CIMIP4: variants seen among roughly 807,000 people sequenced by gnomAD.
CIMIP4 encodes ciliary microtubule inner protein 4, also known as protein EAN57.
chr22:37,003,819 C>A, the CIMIP4 span: 2 of 652,572 alleles, frequency 3.1e-6, no homozygotes, highest in South Asian at 5.9e-5. Flanking sequence ...CAACAGAATG[C>A]CCCCCTAGGA....
At chr22:37,000,285 A>G in the CIMIP4 span, among the ~76,000 whole-genome samples, 1 of 151,982 alleles carries the variant, frequency 6.6e-6, no homozygotes, top group Non-Finnish European at 1.5e-5. Flanking sequence ...ATAGGGTGCC[A>G]CTCTTCCCAC....
chr22:37,003,652 C>T, the CIMIP4 span, among the ~76,000 whole-genome samples: 1 of 152,204 alleles, frequency 6.6e-6, no homozygotes, highest in Non-Finnish European at 1.5e-5. Flanking sequence ...AGGCCCCTCA[C>T]CATGTTCCCC....
the CIMIP4 span, chr22:36,999,754 T>C: frequency 6.6e-7 from 1 of 1,516,708 alleles, no homozygotes; most frequent in Non-Finnish European, 8.9e-7. Flanking sequence ...AGACCCCATA[T>C]GGAGTGGAAA....
At chr22:37,003,605 C>T in the CIMIP4 span, among the ~76,000 whole-genome samples, 3 of 152,192 alleles carry the variant, frequency 2.0e-5, no homozygotes, top group Non-Finnish European at 4.4e-5. Flanking sequence ...TCTTGGCTCA[C>T]GTGTAACCCC....
the CIMIP4 span, among the ~76,000 whole-genome samples, chr22:37,006,319 G>T: frequency 5.9e-5 from 9 of 152,190 alleles, no homozygotes; most frequent in Admixed American, 5.9e-4. Flanking sequence ...GAGCCATGGA[G>T]AATTATCCCC....
the CIMIP4 span, among the ~76,000 whole-genome samples, chr22:37,004,231 G>A: frequency 6.6e-6 from 1 of 152,074 alleles, no homozygotes. Context: ...CACAGGGGCT[G>A]CCTCCTGGAC....
chr22:36,991,162 C>T, the CIMIP4 span: 2 of 1,610,810 alleles, frequency 1.2e-6, no homozygotes, highest in Non-Finnish European at 1.7e-6. Flanking sequence ...GTAGAAGACA[C>T]CTCTACTGTG....
At chr22:37,004,844 C>A in the CIMIP4 span, among the ~76,000 whole-genome samples, 1 of 152,046 alleles carries the variant, frequency 6.6e-6, no homozygotes, top group South Asian at 2.1e-4. Flanking sequence ...TGCACCACCA[C>A]ATCTGGCTAA....
chr22:36,992,145 G>A, the CIMIP4 span, among the ~76,000 whole-genome samples: 27 of 152,086 alleles, frequency 1.8e-4, no homozygotes, highest in East Asian at 9.7e-4. Flanking sequence ...TCAGGGGTTC[G>A]AGACCAGCCT....
At chr22:36,995,666 G>T in the CIMIP4 span, among the ~76,000 whole-genome samples, 1 of 152,140 alleles carries the variant, frequency 6.6e-6, no homozygotes, top group South Asian at 2.1e-4. Flanking sequence ...TGTTTCCATG[G>T]TAGTGAATAA....
At chr22:37,001,673 T>C in the CIMIP4 span, among the ~76,000 whole-genome samples, 155 of 152,266 alleles carry the variant, frequency 1.0e-3, 1 homozygote, top group African/African-American at 3.5e-3. Flanking sequence ...AACAACTTGT[T>C]ATATGTGAAG....
the CIMIP4 span, among the ~76,000 whole-genome samples, chr22:37,003,349 G>C: frequency 6.6e-6 from 1 of 152,102 alleles, no homozygotes; most frequent in Non-Finnish European, 1.5e-5. Context: ...CCAACTCACT[G>C]GACTCTCTTC....
the CIMIP4 span, among the ~76,000 whole-genome samples, chr22:36,998,556 A>AC: frequency 1.3e-5 from 2 of 152,210 alleles, no homozygotes; most frequent in African/African-American, 4.8e-5. Context: ...AGACCCTGGG[A>AC]ACAGGATCAT....
At chr22:36,994,697 C>T in the CIMIP4 span, among the ~76,000 whole-genome samples, 1 of 145,262 alleles carries the variant, frequency 6.9e-6, no homozygotes, top group Non-Finnish European at 1.5e-5. Context: ...GTGGCGCAAT[C>T]TCGGCTCACT....
the CIMIP4 span, among the ~76,000 whole-genome samples, chr22:36,997,900 A>T: frequency 6.6e-6 from 1 of 152,200 alleles, no homozygotes; most frequent in Non-Finnish European, 1.5e-5. Context: ...ACAGAGAGGG[A>T]CAGATGGATG....
the CIMIP4 span, chr22:36,991,322 A>G: frequency 1.2e-6 from 2 of 1,602,540 alleles, no homozygotes. Context: ...ATCATCTGGC[A>G]GTCTCTGGAG....
chr22:36,996,982 T>A, the CIMIP4 span, among the ~76,000 whole-genome samples: 3,847 of 152,236 alleles, frequency 0.025, 163 homozygotes, highest in African/African-American at 0.088. Flanking sequence ...GAATTGAAAA[T>A]GAATCCCTAC....
the CIMIP4 span, among the ~76,000 whole-genome samples, chr22:37,005,108 G>A: frequency 2.6e-5 from 4 of 152,160 alleles, no homozygotes; most frequent in South Asian, 6.2e-4. Flanking sequence ...GAAACTGAGG[G>A]TGACTTCTGG....
chr22:36,993,005 G>GTT, the CIMIP4 span, among the ~76,000 whole-genome samples: 7 of 143,948 alleles, frequency 4.9e-5, no homozygotes, highest in African/African-American at 1.0e-4. Context: ...GTTAATTAAA[G>GTT]TTTTTTTTTT....
Sources: allele counts gnomAD v4.1 joint callset (sites outside exome capture counted in the v4.1 genomes callset), GRCh38; gene constraint gnomAD v4.1.1; transcripts MANE v1.5; gene names NCBI Gene and HGNC (gene_info 2026-07-23, HGNC 2026-07-21).